Variants in IL4I1 observed in about 807,000 individuals in gnomAD.
The protein encoded by IL4I1 is L-amino-acid oxidase.
A neutral mutation model predicts 29.7 loss-of-function variants in IL4I1; 24 were observed. That is an observed-to-expected ratio of 0.81 (90% CI 0.59 to 1.14). The LOEUF is 1.14. Ranked by LOEUF, IL4I1 falls within the 50% of genes most tolerant of loss-of-function variation. The pLI, the probability that IL4I1 is intolerant of heterozygous loss-of-function variation, is 0.00. For synonymous variants in IL4I1, 371 were observed against 352.5 expected (o/e 1.05, Z -0.59); for missense variants, 686 against 785.6 (o/e 0.87, Z 1.52).
intron 7 of IL4I1, 41 bp downstream of exon 7, chr19:49,890,930 C>CCCCA: frequency 3.3e-6 from 1 of 299,422 alleles, no homozygotes; most frequent in Non-Finnish European, 5.8e-6. Flanking sequence ...TCCCTGATTG[C>CCCCA]CCCCCGCCCC....
At chr19:49,908,089 G>A (rs896127652) in intron 2 of IL4I1, 19 of 1,460,744 alleles carry the variant, frequency 1.3e-5, no homozygotes, top group Non-Finnish European at 1.5e-5. Context: ...ATGGAAAAAC[G>A]CAAAGCACAC....
At chr19:49,908,547 T>A (rs777922064) in intron 2 of IL4I1, 2 of 1,614,170 alleles carry the variant, frequency 1.2e-6, no homozygotes, top group Non-Finnish European at 1.7e-6. Context: ...TGCAGGTAGA[T>A]GGTCCCGCTC....
At chr19:49,928,646 G>A (rs1402452947) in intron 1 of IL4I1, 2 of 152,196 alleles carry the variant, frequency 1.3e-5, no homozygotes, top group East Asian at 1.9e-4. Flanking sequence ...TTACAGATAG[G>A]GAAATGAAGT....
chr19:49,894,162 A>G (rs1482476201), intron 5 of IL4I1, 106 bp downstream of exon 5: 1 of 1,078,616 alleles, frequency 9.3e-7, no homozygotes, highest in Non-Finnish European at 1.4e-6. Context: ...GCCCCACCCC[A>G]TGGAGGGGAC....
intron 2 of IL4I1, chr19:49,908,979 C>T (rs770316163): frequency 1.3e-5 from 21 of 1,607,502 alleles, no homozygotes; most frequent in South Asian, 4.4e-5. Flanking sequence ...GTGGCGGTGG[C>T]GGTGGCAGCG....
chr19:49,901,198 A>T (rs1284165552), upstream of IL4I1, among the ~76,000 whole-genome samples: 1 of 152,146 alleles, frequency 6.6e-6, no homozygotes, highest in African/African-American at 2.4e-5. Flanking sequence ...CCTGGCCAAC[A>T]TGGTGAAACC....
chr19:49,920,283 A>G (rs989874243), intron 2 of IL4I1, among the ~76,000 whole-genome samples: 2 of 152,172 alleles, frequency 1.3e-5, no homozygotes, highest in African/African-American at 2.4e-5. Flanking sequence ...GGGTTTCGCC[A>G]TGTTGGCCAG....
At chr19:49,916,294 G>T (rs1302775926) in intron 2 of IL4I1, among the ~76,000 whole-genome samples, 1 of 152,096 alleles carries the variant, frequency 6.6e-6, no homozygotes. Context: ...GGCTGAGGTG[G>T]GTGGATCACC....
At chr19:49,901,689 A>G (rs1321894638), upstream of IL4I1, 15 of 1,538,136 alleles carry the variant, frequency 9.8e-6, no homozygotes, top group African/African-American at 1.4e-5. Flanking sequence ...CTTTATGGTT[A>G]GCCCAGGACA....
intron 2 of IL4I1, among the ~76,000 whole-genome samples, chr19:49,923,087 A>AT (rs1441049288): frequency 6.6e-6 from 1 of 151,246 alleles, no homozygotes; most frequent in African/African-American, 2.4e-5. Flanking sequence ...TTTTTTTTGC[A>AT]TAAGAGCTGT....
At chr19:49,908,367 G>A (rs151075180) in intron 2 of IL4I1, 10 of 1,614,194 alleles carry the variant, frequency 6.2e-6, no homozygotes, top group Non-Finnish European at 8.5e-6. Context: ...GAGTCCATGT[G>A]CGCATTGAGG....
intron 7 of IL4I1, 43 bp downstream of exon 7, chr19:49,890,928 T>TCCCCCCCCCCCCC: frequency 1.6e-6 from 1 of 633,210 alleles, no homozygotes; most frequent in Non-Finnish European, 2.4e-6. Flanking sequence ...TTTCCCTGAT[T>TCCCCCCCCCCCCC]GCCCCCCGCC....
In IL4I1 at chr19:49,890,336, C is replaced by T. The variant is rs2075115659; in HGVS notation, c.1038G>A (p.Arg346=). 1 of 1,608,258 alleles carries T rather than the reference C, an allele frequency of 6.2e-7. No homozygotes were observed. Residue 346 remains arginine, a synonymous_variant, in exon 8 of 8, where the codon AGG becomes AGA. Transcript: ENST00000391826. ...LPRHMQEALR[R]LHYVPATKVF... is the part of the protein sequence containing the mutation. The stretch of plus-strand genomic sequence containing the variant: ...CCTTGGTGGCCGGCACGTAGTGCAG[C>T]CTCCGCAGCGCCTCCTGCATGTGGC...
At chr19:49,891,281 C>G in intron 6 of IL4I1, 124 bp downstream of exon 6, 1 of 1,412,554 alleles carries the variant, frequency 7.1e-7, no homozygotes. Flanking sequence ...GTCCAGCCCC[C>G]GGGTCAGGCA....
At position 49,894,259 on chromosome 19, in the gene IL4I1, G is replaced by T; in HGVS notation, c.567+9C>A. ...GTCAGGGCGGGAGGAGGGTGCAGGC[G>T]GTACCCACCTGGTTGAGAGCCATCT... On this transcript the variant is annotated intron_variant, in intron 5 of 7. Transcript: ENST00000391826. 6.2e-7 allele frequency: 1 copy of T among 1,611,752 alleles called. No individual in the cohort carries two copies. The highest frequency in any genetic ancestry group is 8.5e-7 in the Non-Finnish European group (1 of 1,178,956).
intron 2 of IL4I1, chr19:49,909,859 CG>C: frequency 1.3e-6 from 2 of 1,580,970 alleles, no homozygotes; most frequent in Non-Finnish European, 1.7e-6. Flanking sequence ...GCAAATCCGT[CG>C]GTGTCTGCAG....
At chr19:49,918,902 G>T (rs1490216526) in intron 2 of IL4I1, among the ~76,000 whole-genome samples, 8 of 149,254 alleles carry the variant, frequency 5.4e-5, no homozygotes, top group Non-Finnish European at 1.0e-4. Flanking sequence ...GGCTGGGGGG[G>T]GGGGGGCGGG....
chr19:49,917,261 C>A (rs1264029251), intron 2 of IL4I1, among the ~76,000 whole-genome samples: 1 of 152,234 alleles, frequency 6.6e-6, no homozygotes, highest in Non-Finnish European at 1.5e-5. Flanking sequence ...ACTGCCTTCC[C>A]TCACTTGCCC....
At position 49,896,012 on chromosome 19, in the gene IL4I1, C is replaced by T; in HGVS notation, c.55G>A (p.Val19Met). ...TCAGCCTTCCAGTCCTGGGAGGCCA[C>T]CAGGCTGAGGAGGATGGGGACGAGG... ...LVLVPILLSL[V>M]ASQDWKAERS... The change falls in exon 3 of 8, where the codon GTG becomes ATG. Residue 19 changes from valine to methionine, a missense_variant. By Grantham distance (21) the Val-to-Met change is conservative. Coordinates refer to ENST00000391826, the MANE Select transcript of IL4I1 (RefSeq NM_152899.2). The T allele has an allele frequency of 2.5e-6, 4 of 1,614,132 alleles. No homozygotes were observed. The highest frequency in any genetic ancestry group is 3.4e-6 in the Non-Finnish European group (4 of 1,180,016).
Sources: gnomAD v4.1 joint callset for allele counts (sites outside exome capture counted in the v4.1 genomes callset) on GRCh38, gnomAD v4.1.1 for gene constraint, MANE v1.5 for transcripts, NCBI Gene and HGNC (gene_info 2026-07-23, HGNC 2026-07-21) for gene names.